Variants in TSHR observed in about 807,000 individuals in gnomAD.
TSHR encodes the protein thyroid stimulating hormone receptor, also known as thyrotropin receptor.
A neutral mutation model predicts 64.1 loss-of-function variants in TSHR; 51 were observed. The ratio of observed to expected loss-of-function variants is 0.80; its 90% confidence interval spans 0.64 to 1.01. The LOEUF (loss-of-function observed/expected upper bound fraction) is 1.01, where lower values mean the gene tolerates loss of function less well. TSHR is among the 50% of genes least tolerant of loss of function. The probability of loss-of-function intolerance (pLI) is 0.00; values close to 1 mark genes in which losing one functional copy is unlikely to be tolerated. For missense variants in TSHR, 877 were observed against 942.8 expected (o/e 0.93, Z 0.91); for synonymous variants, 361 against 361.9 (o/e 1.00, Z 0.03).
At chr14:81,051,729 TA>T (rs1445587223) in intron 1 of TSHR, 1 of 152,198 alleles carries the variant, frequency 6.6e-6, no homozygotes, top group Non-Finnish European at 1.5e-5. Flanking sequence ...ATGACAGCCA[TA>T]CTTACAGGTG....
intron 8 of TSHR, among the ~76,000 whole-genome samples, chr14:81,134,226 C>A (rs1891362974): frequency 6.6e-6 from 1 of 152,128 alleles, no homozygotes; most frequent in Non-Finnish European, 1.5e-5. Context: ...ACCTCCACTT[C>A]CCGGGTTCAA....
At position 81,143,618 on chromosome 14, in the gene TSHR, G is replaced by T. The variant is rs778363012; in HGVS notation, c.1560G>T (p.Trp520Cys). The T allele has an allele frequency of 1.2e-6, 2 of 1,613,930 alleles. No individual in the cohort carries two copies. Among genetic ancestry groups the T allele is most frequent in the South Asian group, 2.2e-5 (2 of 91,080 alleles). The change falls in exon 10 of 10, where the codon TGG becomes TGT. Residue 520 changes from tryptophan (W) to cysteine (C), a missense_variant. Physicochemically the swap from Trp to Cys is radical, Grantham distance 215 (BLOSUM62 -2). Transcript: ENST00000298171. ...YTLTVITLER[W>C]YAITFAMRLD... Reference sequence around the variant, plus strand: ...TGACGGTCATCACCCTGGAGCGCTGGTATGCCATCACCTTCGCCATGCGCC... The same window carrying T: ...TGACGGTCATCACCCTGGAGCGCTGTTATGCCATCACCTTCGCCATGCGCC...
intron 1 of TSHR, among the ~76,000 whole-genome samples, chr14:81,038,013 A>G (rs1263118463): frequency 6.6e-6 from 1 of 152,014 alleles, no homozygotes; most frequent in East Asian, 1.9e-4. Context: ...TTCACCCACC[A>G]GCAACCTACA....
chr14:81,139,018 C>T (rs1048716404), intron 8 of TSHR, among the ~76,000 whole-genome samples: 4 of 152,154 alleles, frequency 2.6e-5, no homozygotes, highest in Admixed American at 2.0e-4. Context: ...GACCACCACC[C>T]CCCTCACCCC....
rs758059665 is a variant in TSHR at position 80,955,832 on chromosome 14, C to T, written c.152C>T (p.Pro51Leu). 13 of 1,614,098 alleles carry T rather than the reference C, an allele frequency of 8.1e-6. No homozygotes were observed. Among genetic ancestry groups the T allele is most frequent in the Admixed American group, 5.0e-5 (3 of 60,014 alleles). The part of the protein sequence containing the change: ...CKDIQRIPSL[P>L]PSTQTLKLIE... ...GATATTCAACGCATCCCCAGCTTAC[C>T]GCCCAGTACGCAGACTCTGTGAGTA... Residue 51 changes from proline to leucine, a missense_variant, in exon 1 of 10, where the codon CCG becomes CTG. Transcript: ENST00000298171.
chr14:81,114,921 C>T (rs1408168921), intron 8 of TSHR, among the ~76,000 whole-genome samples: 3 of 152,076 alleles, frequency 2.0e-5, no homozygotes, highest in Non-Finnish European at 4.4e-5. Context: ...CAGGGGCACA[C>T]TGACACCTCA....
chr14:80,964,608 G>A (rs947334949), intron 1 of TSHR, among the ~76,000 whole-genome samples: 18 of 152,280 alleles, frequency 1.2e-4, no homozygotes, highest in Middle Eastern at 3.4e-3. Context: ...TGTGCTCTTA[G>A]GAATCTGTGG....
chr14:81,091,016 G>C (rs1888688506), intron 4 of TSHR, 53 bp from the exon 5 acceptor site: 2 of 1,493,976 alleles, frequency 1.3e-6, no homozygotes, highest in Middle Eastern at 1.8e-4. Context: ...CCTATGTGTT[G>C]ATTTTTTTAC....
chr14:81,012,509 T>G (rs1889969875), intron 1 of TSHR: 1 of 149,900 alleles, frequency 6.7e-6, no homozygotes, highest in Non-Finnish European at 1.5e-5. Context: ...CCCTGAGGAA[T>G]CGCCACACTG....
intron 8 of TSHR, among the ~76,000 whole-genome samples, chr14:81,116,969 G>A (rs1348297903): frequency 4.4e-5 from 6 of 137,730 alleles, no homozygotes; most frequent in Non-Finnish European, 9.1e-5. Context: ...AAATAAAGAT[G>A]TTCTTTGAAA....
chr14:81,096,922 T>TGGTG (rs1889239918), intron 7 of TSHR, among the ~76,000 whole-genome samples: 1 of 72,624 alleles, frequency 1.4e-5, no homozygotes, highest in African/African-American at 6.7e-5. Flanking sequence ...CTTTTCTCCC[T>TGGTG]GGTGTGTGTG....
rs1886384636 is a variant in TSHR, at chr14:81,063,487, C to T, written c.242+1268C>T. ...TCCAAAATAAACACATCATCTTCCTCCCAAGCTGTTCCTTCTCTTTTAACA... is the reference window on the plus strand; with the variant it reads ...TCCAAAATAAACACATCATCTTCCTTCCAAGCTGTTCCTTCTCTTTTAACA... On this transcript the variant is annotated intron_variant, in intron 2 of 9. Coordinates refer to ENST00000298171, the MANE Select transcript of TSHR (RefSeq NM_000369.5). Among the ~76,000 whole-genome samples, 3 of 152,236 alleles carry T rather than the reference C, an allele frequency of 2.0e-5. No individual in the cohort carries two copies. The South Asian group carries it at 6.2e-4, about 32-fold the overall frequency.
intron 8 of TSHR, among the ~76,000 whole-genome samples, chr14:81,122,748 C>G (rs956195712): frequency 6.6e-6 from 1 of 152,152 alleles, no homozygotes; most frequent in Non-Finnish European, 1.5e-5. Flanking sequence ...ACATCAGACA[C>G]CAGACTGCAG....
At chr14:81,017,533 G>T (rs117178488) in intron 1 of TSHR, among the ~76,000 whole-genome samples, 1,802 of 152,154 alleles carry the variant, frequency 0.012, 21 homozygotes, top group African/African-American at 0.016. Flanking sequence ...CAGAACAGCT[G>T]GTACCCAAAT....
At chr14:81,109,047 C>A in intron 8 of TSHR, 6 of 1,128,642 alleles carry the variant, frequency 5.3e-6, no homozygotes, top group Non-Finnish European at 6.7e-6. Context: ...TCATTGCCAC[C>A]TTCCTCATTC....
chr14:81,112,254 A>T (rs543488562), intron 8 of TSHR, among the ~76,000 whole-genome samples: 1 of 152,196 alleles, frequency 6.6e-6, no homozygotes, highest in Non-Finnish European at 1.5e-5. Context: ...GGAACTAAAT[A>T]TATCCTCAAT....
chr14:80,962,390 T>C (rs1161315368), intron 1 of TSHR, among the ~76,000 whole-genome samples: 3 of 152,220 alleles, frequency 2.0e-5, no homozygotes, highest in African/African-American at 7.2e-5. Flanking sequence ...ATCAAGGTAT[T>C]GGCAGGGTCA....
At chr14:81,036,881 G>T (rs1275675261) in intron 1 of TSHR, among the ~76,000 whole-genome samples, 2 of 152,134 alleles carry the variant, frequency 1.3e-5, no homozygotes, top group African/African-American at 2.4e-5. Context: ...AGTAGCTCAT[G>T]CCTGTAATCC....
chr14:81,030,707 C>T (rs1326082654), intron 1 of TSHR, among the ~76,000 whole-genome samples: 1 of 152,120 alleles, frequency 6.6e-6, no homozygotes, highest in Non-Finnish European at 1.5e-5. Flanking sequence ...TGCATTTGGA[C>T]TTCTCATCCA....
Sources: gnomAD v4.1 joint callset for allele counts (sites outside exome capture counted in the v4.1 genomes callset) on GRCh38, gnomAD v4.1.1 for gene constraint, MANE v1.5 for transcripts, NCBI Gene and HGNC (gene_info 2026-07-23, HGNC 2026-07-21) for gene names.